Variants in ARID1B observed in about 807,000 individuals in gnomAD.
ARID1B encodes the protein AT-rich interactive domain-containing protein 1B.
Under a neutral mutation model 212.3 loss-of-function variants are expected in ARID1B, and 30 were observed. The observed-to-expected ratio is 0.14, with a 90% CI of 0.11 to 0.19. The LOEUF (loss-of-function observed/expected upper bound fraction) is 0.19, where lower values mean the gene tolerates loss of function less well. ARID1B is among the 10% of genes least tolerant of loss of function. The pLI, the probability that ARID1B is intolerant of heterozygous loss-of-function variation, is 1.00. For synonymous variants in ARID1B, 1,402 were observed against 1,301.7 expected (o/e 1.08, Z -1.66); for missense variants, 2,891 against 3,204.0 (o/e 0.90, Z 2.36).
chr6:156,975,351 A>G (rs1777156566), intron 4 of ARID1B, among the ~76,000 whole-genome samples: 1 of 152,074 alleles, frequency 6.6e-6, no homozygotes, highest in Non-Finnish European at 1.5e-5. Context: ...TTTTGTCTTG[A>G]GTTTTAAGGG....
chr6:156,828,276 G>C (rs1782899406), intron 1 of ARID1B, among the ~76,000 whole-genome samples: 1 of 152,076 alleles, frequency 6.6e-6, no homozygotes, highest in Non-Finnish European at 1.5e-5. Flanking sequence ...TGCCAGGATG[G>C]TCTTGAATTT....
chr6:156,996,027 C>T (rs1301059167), intron 4 of ARID1B, among the ~76,000 whole-genome samples: 1 of 152,196 alleles, frequency 6.6e-6, no homozygotes, highest in African/African-American at 2.4e-5. Flanking sequence ...TATATTTTAG[C>T]TCCCCTAAAT....
In ARID1B at chr6:157,028,787, C is replaced by T. The variant is rs577939010; in HGVS notation, c.2248-55875C>T. On this transcript the variant is annotated intron_variant, in intron 4 of 19. Transcript: ENST00000636930. ...GTGACCACATAAGCCTTCTGAGTGC[C>T]GCTATTCTTCTGTAGAATTTGGGCC... 5.3e-4 allele frequency among the ~76,000 whole-genome samples: 80 copies of T among 152,264 alleles called. 2 individuals are homozygous for T. The highest frequency in any genetic ancestry group is 1.4e-3 in the African/African-American group (60 of 41,544).
At chr6:157,157,217 C>T (rs1357888037) in intron 8 of ARID1B, among the ~76,000 whole-genome samples, 1 of 152,188 alleles carries the variant, frequency 6.6e-6, no homozygotes, top group African/African-American at 2.4e-5. Flanking sequence ...CACCTGTCTT[C>T]ACTTCCAGCT....
chr6:156,998,382 G>A (rs1383307000), intron 4 of ARID1B, among the ~76,000 whole-genome samples: 1 of 151,936 alleles, frequency 6.6e-6, no homozygotes, highest in Admixed American at 6.6e-5. Context: ...CACCATGCCC[G>A]GCTAATTTTT....
At chr6:157,026,684 C>A (rs1340345097) in intron 4 of ARID1B, among the ~76,000 whole-genome samples, 1 of 152,006 alleles carries the variant, frequency 6.6e-6, no homozygotes, top group Non-Finnish European at 1.5e-5. Context: ...GCTAAAATAC[C>A]CTTTTTATTT....
chr6:157,077,418 T>A (rs993309572), intron 4 of ARID1B, among the ~76,000 whole-genome samples: 1 of 152,196 alleles, frequency 6.6e-6, no homozygotes, highest in Non-Finnish European at 1.5e-5. Context: ...CGTGAGGCCA[T>A]GCGCAGCCTG....
chr6:156,827,588 G>T (rs922300595), intron 1 of ARID1B, among the ~76,000 whole-genome samples: 8 of 152,082 alleles, frequency 5.3e-5, no homozygotes, highest in African/African-American at 1.9e-4. Flanking sequence ...CAGCATCTTC[G>T]TAAATTCGTG....
intron 3 of ARID1B, among the ~76,000 whole-genome samples, chr6:156,932,872 A>G (rs1484622361): frequency 6.6e-6 from 1 of 152,226 alleles, no homozygotes; most frequent in Non-Finnish European, 1.5e-5. Context: ...CCTTTTCAAT[A>G]GTTCTCACTA....
rs764230499 is a variant in ARID1B, at chr6:157,207,605, G to C, written c.6833G>C (p.Ser2278Thr). The change falls in exon 20 of 20, where the codon AGC becomes ACC. Residue 2278 changes from serine (S) to threonine (T), a missense_variant. By Grantham distance (58) the Ser-to-Thr change is moderately conservative. This residue lies in a region of ARID1B where 187 missense variants were observed against 306.5 expected (regional missense o/e 0.61). Transcript: ENST00000636930. The surrounding 1 kb of genome is among the most constrained non-coding windows in gnomAD (Gnocchi z 8.5). Reference sequence around the variant, plus strand: ...AGGGCCATAGCTGTGCAGAAAGGAAGCATTGGAAACTTGATAAGCTTCCTA... The same window carrying C: ...AGGGCCATAGCTGTGCAGAAAGGAACCATTGGAAACTTGATAAGCTTCCTA... ...AARAIAVQKG[S>T]IGNLISFLED... 6.2e-7 allele frequency: 1 copy of C among 1,614,186 alleles called. No homozygotes were observed. Among genetic ancestry groups the C allele is most frequent in the Non-Finnish European group, 8.5e-7 (1 of 1,180,038 alleles).
intron 2 of ARID1B, among the ~76,000 whole-genome samples, chr6:156,859,268 C>G (rs1000928385): frequency 1.5e-4 from 23 of 152,086 alleles, no homozygotes; most frequent in African/African-American, 5.3e-4. Flanking sequence ...TGCCCGCCAC[C>G]ACGTGTATGG....
At chr6:157,135,777 A>G (rs1562647550) in intron 7 of ARID1B, among the ~76,000 whole-genome samples, 1 of 152,206 alleles carries the variant, frequency 6.6e-6, no homozygotes, top group Non-Finnish European at 1.5e-5. Context: ...AGGGATCCTA[A>G]TAAAGGGTTT....
intron 8 of ARID1B, 29 bp from the exon 9 acceptor site, chr6:157,167,011 T>A: frequency 6.2e-7 from 1 of 1,606,340 alleles, no homozygotes; most frequent in Non-Finnish European, 8.5e-7. Flanking sequence ...ATGGTCGGTA[T>A]ATGTGTGCTG....
chr6:157,136,999 A>G (rs1788962617), intron 7 of ARID1B, among the ~76,000 whole-genome samples: 1 of 152,084 alleles, frequency 6.6e-6, no homozygotes, highest in Non-Finnish European at 1.5e-5. Flanking sequence ...GCAACATGGT[A>G]GAACCCCATC....
chr6:156,986,262 T>TG (rs1325650498), intron 4 of ARID1B, among the ~76,000 whole-genome samples: 1 of 152,194 alleles, frequency 6.6e-6, no homozygotes, highest in African/African-American at 2.4e-5. Flanking sequence ...AACACCTGTA[T>TG]GGGAAGGTAT....
At position 156,906,392 on chromosome 6, in the gene ARID1B, A is replaced by G. The variant is rs545569131; in HGVS notation, c.2136+4867A>G. Among the ~76,000 whole-genome samples the G allele has an allele frequency of 4.0e-5, 6 of 151,886 alleles. No individual in the cohort carries two copies. The South Asian group carries it at 1.3e-3, about 32-fold the overall frequency. ...GAGAAACCCTGTCTCTACTAAAAAT[A>G]CAAAATTAGCTGGGCGTGGAGGCGC... is the stretch of plus-strand genomic sequence containing the variant. On this transcript the variant is annotated intron_variant, in intron 3 of 19. Transcript: ENST00000636930.
chr6:157,205,920 A>G, intron 19 of ARID1B: 1 of 490,698 alleles, frequency 2.0e-6, no homozygotes, highest in Non-Finnish European at 3.7e-6. Flanking sequence ...TCGTGTAGAT[A>G]GTCTAAGCAA....
At chr6:156,833,001 A>G (rs1308375636) in intron 2 of ARID1B, among the ~76,000 whole-genome samples, 1 of 152,206 alleles carries the variant, frequency 6.6e-6, no homozygotes, top group Non-Finnish European at 1.5e-5. Context: ...TTAGTTTTGC[A>G]CGGTGCCCTA....
intron 4 of ARID1B, among the ~76,000 whole-genome samples, chr6:156,966,386 C>CTTTTTTTTTT (rs1214987532): frequency 7.1e-3 from 273 of 38,642 alleles, no homozygotes; most frequent in Middle Eastern, 0.015. Flanking sequence ...CTTTTCTTTT[C>CTTTTTTTTTT]TTTTTTTTTT....
Sources: gnomAD v4.1 joint callset for allele counts (sites outside exome capture counted in the v4.1 genomes callset) on GRCh38, gnomAD v4.1.1 for gene constraint, gnomAD v4.1.1 regional missense constraint, Gnocchi (gnomAD v3.1) non-coding constraint, MANE v1.5 for transcripts, NCBI Gene and HGNC (gene_info 2026-07-23, HGNC 2026-07-21) for gene names.